DIP2C: variants seen among roughly 807,000 people sequenced by gnomAD.
The protein encoded by DIP2C is disco-interacting protein 2 homolog C.
In DIP2C, 33 loss-of-function variants were observed where a neutral mutation model predicts 192.4. The observed-to-expected ratio is 0.17, with a 90% confidence interval of 0.13 to 0.23. The LOEUF is 0.23. Among genes scored for constraint, DIP2C ranks in the 10% least tolerant of loss-of-function variants. DIP2C has a pLI of 1.00. For missense variants in DIP2C, 1,537 were observed against 2,110.1 expected (o/e 0.73, Z 5.32); for synonymous variants, 979 against 864.1 (o/e 1.13, Z -2.33).
In DIP2C at chr10:484,774, C is replaced by T. The variant is rs531805745; in HGVS notation, c.157+1685G>A. 5.9e-5 allele frequency: 95 copies of T among 1,609,530 alleles called. 1 individual carries two copies. The highest frequency in any genetic ancestry group is 1.5e-4 in the South Asian group (14 of 90,858). On this transcript the variant is annotated intron_variant, in intron 2 of 36. Coordinates refer to ENST00000280886, the MANE Select transcript of DIP2C (RefSeq NM_014974.3). ...GTGGGGCTGGCTCTCAGCAAAGCAGCGCTCACCGAAACGAAAGTAAAACAG... is the reference window on the plus strand; with the variant it reads ...GTGGGGCTGGCTCTCAGCAAAGCAGTGCTCACCGAAACGAAAGTAAAACAG...
chr10:555,559 G>A (rs146391266), intron 1 of DIP2C, among the ~76,000 whole-genome samples: 282 of 152,244 alleles, frequency 1.9e-3, no homozygotes, highest in African/African-American at 5.2e-3. Context: ...AAAGCAAACA[G>A]AAGAGAAGGC....
intron 3 of DIP2C, among the ~76,000 whole-genome samples, chr10:451,132 C>T (rs1057444483): frequency 9.9e-5 from 15 of 152,194 alleles, no homozygotes; most frequent in Non-Finnish European, 1.5e-5. Flanking sequence ...CCTCCCAGCC[C>T]TGTTCCTTCT....
At chr10:413,645 G>C (rs536525361) in intron 8 of DIP2C, among the ~76,000 whole-genome samples, 1 of 152,360 alleles carries the variant, frequency 6.6e-6, no homozygotes, top group Admixed American at 6.5e-5. Flanking sequence ...AGAAGTAACA[G>C]ACACTGAGCT....
At chr10:496,673 A>C (rs372263166) in intron 1 of DIP2C, among the ~76,000 whole-genome samples, 1 of 151,856 alleles carries the variant, frequency 6.6e-6, no homozygotes, top group African/African-American at 2.4e-5. Context: ...CGTGTACTTA[A>C]AATCTCTACA....
chr10:471,220 G>C (rs903827214), intron 3 of DIP2C, among the ~76,000 whole-genome samples: 7 of 152,148 alleles, frequency 4.6e-5, no homozygotes, highest in Non-Finnish European at 8.8e-5. Context: ...TTTCATTCAG[G>C]CTCTCAGGTG....
rs551169936 is a variant in DIP2C at position 458,380 on chromosome 10, T to C, written c.268+14059A>G. ...AGATAAACCTTCTCAGTCTAGAAAATTAAACTTCGGCATAGAGGAGGAACT... is the reference window on the plus strand; with the variant it reads ...AGATAAACCTTCTCAGTCTAGAAAACTAAACTTCGGCATAGAGGAGGAACT... On this transcript the variant is annotated intron_variant, in intron 3 of 36. Transcript: ENST00000280886. Among the ~76,000 whole-genome samples the C allele has an allele frequency of 3.9e-5, 6 of 152,320 alleles. No individual in the cohort carries two copies. In the East Asian group the frequency reaches 1.2e-3, roughly 29 times the overall value.
At chr10:548,291 T>G (rs993032400) in intron 1 of DIP2C, among the ~76,000 whole-genome samples, 17 of 129,384 alleles carry the variant, frequency 1.3e-4, no homozygotes, top group Non-Finnish European at 1.9e-4. Flanking sequence ...CTCTCTGGAG[T>G]TGTCGCCCAG....
In DIP2C at chr10:433,636, G is replaced by A. The variant is rs138485422; in HGVS notation, c.394+7235C>T. Among the ~76,000 whole-genome samples the A allele has an allele frequency of 2.1e-3, 318 of 152,180 alleles. 3 individuals carry two copies. The highest frequency in any genetic ancestry group is 6.2e-3 in the African/African-American group (259 of 41,530). On this transcript the variant is annotated intron_variant, in intron 4 of 36. Transcript: ENST00000280886. Reference sequence around the variant, plus strand: ...GCGGAGGTTGCACTGAGATAAGATCGGGCTATTGCACTCCAGCCTGGGCCA... The same window carrying A: ...GCGGAGGTTGCACTGAGATAAGATCAGGCTATTGCACTCCAGCCTGGGCCA...
intron 1 of DIP2C, among the ~76,000 whole-genome samples, chr10:535,098 G>GA (rs949266229): frequency 5.3e-4 from 81 of 152,270 alleles, no homozygotes; most frequent in African/African-American, 1.9e-3. Context: ...GGTACAGAAG[G>GA]AACCTTCAGC....
intron 1 of DIP2C, chr10:650,726 G>A (rs1429443360): frequency 2.2e-5 from 14 of 634,486 alleles, no homozygotes; most frequent in East Asian, 5.5e-5. Context: ...GCTCTGGGCC[G>A]ACCCCCCCTC....
At chr10:286,185 G>A (rs759554817) in intron 34 of DIP2C, 88 bp downstream of exon 34, 2 of 1,210,404 alleles carry the variant, frequency 1.7e-6, no homozygotes, top group Non-Finnish European at 2.4e-6. Flanking sequence ...GGCAGATGGA[G>A]GGCATGTGAG....
At chr10:450,733 A>G (rs1968782543) in intron 3 of DIP2C, among the ~76,000 whole-genome samples, 1 of 152,176 alleles carries the variant, frequency 6.6e-6, no homozygotes, top group Admixed American at 6.5e-5. Flanking sequence ...CTTCCTTCCC[A>G]GAAGAGCTTC....
chr10:464,702 C>T (rs1179925348), intron 3 of DIP2C, among the ~76,000 whole-genome samples: 1 of 152,138 alleles, frequency 6.6e-6, no homozygotes, highest in Non-Finnish European at 1.5e-5. Flanking sequence ...CAGCACTGTT[C>T]ACAATAGCAA....
At chr10:342,110 C>T (rs965535496) in intron 28 of DIP2C, among the ~76,000 whole-genome samples, 5 of 151,990 alleles carry the variant, frequency 3.3e-5, no homozygotes, top group Admixed American at 2.0e-4. Context: ...TGAAATAGTG[C>T]GTTTGAACAG....
At chr10:383,011 ACTTT>A (rs2132889045) in intron 16 of DIP2C, among the ~76,000 whole-genome samples, 1 of 152,334 alleles carries the variant, frequency 6.6e-6, no homozygotes, top group East Asian at 1.9e-4. Flanking sequence ...TACTTTAGTA[ACTTT>A]TCTGAGACTT....
chr10:339,619 T>TGTTCAGAACAGACCTCTGCC (rs914993437), intron 29 of DIP2C, among the ~76,000 whole-genome samples: 4 of 152,192 alleles, frequency 2.6e-5, no homozygotes, highest in African/African-American at 9.7e-5. Flanking sequence ...CAAGGGCCGT[T>TGTTCAGAACAGACCTCTGCC]GTTCAGAACA....
At chr10:278,032 G>A (rs1311325974) in intron 36 of DIP2C, among the ~76,000 whole-genome samples, 1 of 152,226 alleles carries the variant, frequency 6.6e-6, no homozygotes, top group African/African-American at 2.4e-5. Context: ...CGGAGGCCGA[G>A]GGCAGGGGTG....
intron 1 of DIP2C, among the ~76,000 whole-genome samples, chr10:549,776 T>C (rs1848493161): frequency 6.6e-6 from 1 of 152,196 alleles, no homozygotes; most frequent in African/African-American, 2.4e-5. Flanking sequence ...GGTATTTATT[T>C]ACCCATAAAA....
At chr10:604,304 C>G (rs1852315771) in intron 1 of DIP2C, among the ~76,000 whole-genome samples, 1 of 152,198 alleles carries the variant, frequency 6.6e-6, no homozygotes, top group African/African-American at 2.4e-5. Context: ...ACACATCAGT[C>G]ACCCATGCAA....
Sources: gnomAD v4.1 joint callset for allele counts (sites outside exome capture counted in the v4.1 genomes callset) on GRCh38, gnomAD v4.1.1 for gene constraint, MANE v1.5 for transcripts, NCBI Gene and HGNC (gene_info 2026-07-23, HGNC 2026-07-21) for gene names.